Variants in CCBE1 observed in about 807,000 individuals in gnomAD.
CCBE1 encodes the protein collagen and calcium binding EGF domains 1, also known as collagen and calcium-binding EGF domain-containing protein 1.
Under a neutral mutation model 50.0 loss-of-function variants are expected in CCBE1, and 37 were observed. That is an observed-to-expected ratio of 0.74 (90% CI 0.57 to 0.97). The LOEUF is 0.97. CCBE1 is among the 50% of genes least tolerant of loss of function. The pLI is 0.00. For synonymous variants in CCBE1, 234 were observed against 203.7 expected (o/e 1.15, Z -1.27); for missense variants, 538 against 523.8 (o/e 1.03, Z -0.26).
chr18:59,501,537 C>G (rs1421311985), intron 2 of CCBE1, among the ~76,000 whole-genome samples: 2 of 152,146 alleles, frequency 1.3e-5, no homozygotes, highest in Non-Finnish European at 2.9e-5. Flanking sequence ...ACACTCCTCC[C>G]CTGCTGAACC....
At chr18:59,633,954 A>G (rs930166987) in intron 2 of CCBE1, among the ~76,000 whole-genome samples, 11 of 152,198 alleles carry the variant, frequency 7.2e-5, no homozygotes, top group African/African-American at 2.4e-4. Context: ...CATGGCCAAT[A>G]TGGGAACTAA....
rs537111599 is a variant in CCBE1 at position 59,474,855 on chromosome 18, T to C, written c.266-5248A>G. On this transcript the variant is annotated intron_variant, in intron 3 of 10. Coordinates refer to ENST00000439986, the MANE Select transcript of CCBE1 (RefSeq NM_133459.4). ...GGTGTAAATTGGGGTTGCTCCTTGGTTTCCTTAAGCTGGCTACAATTCAAC... is the reference window on the plus strand; with the variant it reads ...GGTGTAAATTGGGGTTGCTCCTTGGCTTCCTTAAGCTGGCTACAATTCAAC... Among the ~76,000 whole-genome samples the C allele has an allele frequency of 2.0e-5, 3 of 152,354 alleles. No homozygotes were observed. In the East Asian group the frequency reaches 5.8e-4, roughly 29 times the overall value.
chr18:59,521,749 G>T (rs1298816794), intron 2 of CCBE1, among the ~76,000 whole-genome samples: 1 of 152,120 alleles, frequency 6.6e-6, no homozygotes, highest in Non-Finnish European at 1.5e-5. Context: ...TGAAAAAAAT[G>T]CAGGCTGTGT....
At chr18:59,596,220 G>C (rs995119067) in intron 2 of CCBE1, among the ~76,000 whole-genome samples, 1 of 152,196 alleles carries the variant, frequency 6.6e-6, no homozygotes, top group Admixed American at 6.5e-5. Context: ...GTGTTTGGCA[G>C]CAAGGAGGAC....
At chr18:59,683,747 G>A (rs1487990874) in intron 2 of CCBE1, among the ~76,000 whole-genome samples, 1 of 152,056 alleles carries the variant, frequency 6.6e-6, no homozygotes. Flanking sequence ...AGCAAGCCAA[G>A]GAAGGATTCA....
intron 2 of CCBE1, among the ~76,000 whole-genome samples, chr18:59,516,331 T>C (rs1295399495): frequency 3.9e-5 from 6 of 152,126 alleles, no homozygotes; most frequent in Admixed American, 3.9e-4. Context: ...ACACAGACTT[T>C]CCTCTTCAAA....
Position 59,693,960 on chromosome 18 carries a change from C to T in CCBE1, c.212+2669G>A, listed in dbSNP as rs1021736633. On this transcript the variant is annotated intron_variant, in intron 2 of 10. Coordinates refer to ENST00000439986, the MANE Select transcript of CCBE1 (RefSeq NM_133459.4). ...GATCTCAGCTCACTGCAACCTCCGC[C>T]TCCTGGTTTCAAACTATTCTCCTGC... Among the ~76,000 whole-genome samples, 3 of 149,886 alleles carry T rather than the reference C, an allele frequency of 2.0e-5. No individual in the cohort carries two copies. The Admixed American group carries it at 2.0e-4, about 10-fold the overall frequency.
At chr18:59,521,821 G>A (rs1308991009) in intron 2 of CCBE1, among the ~76,000 whole-genome samples, 4 of 152,064 alleles carry the variant, frequency 2.6e-5, no homozygotes, top group Admixed American at 6.5e-5. Context: ...GGTGGACATC[G>A]ACAAAAAAGT....
chr18:59,629,530 C>T (rs1355047869), intron 2 of CCBE1, among the ~76,000 whole-genome samples: 2 of 152,168 alleles, frequency 1.3e-5, no homozygotes, highest in Non-Finnish European at 2.9e-5. Flanking sequence ...TTCATGAATA[C>T]ATTCCCAGGA....
intron 2 of CCBE1, among the ~76,000 whole-genome samples, chr18:59,663,054 C>T (rs2054306225): frequency 6.6e-6 from 1 of 152,176 alleles, no homozygotes; most frequent in Non-Finnish European, 1.5e-5. Flanking sequence ...CAACAAATTA[C>T]TTTAACAAAG....
chr18:59,437,963 T>C (rs372819943), intron 10 of CCBE1, 148 bp downstream of exon 10: 2 of 664,416 alleles, frequency 3.0e-6, no homozygotes, highest in Admixed American at 5.5e-5. Flanking sequence ...CTTCTATGAC[T>C]CTCTTCCTAA....
chr18:59,502,755 T>C (rs188999161), intron 2 of CCBE1, among the ~76,000 whole-genome samples: 2 of 152,066 alleles, frequency 1.3e-5, no homozygotes, highest in African/African-American at 4.8e-5. Flanking sequence ...GCAAAGCATG[T>C]CAGAGCGGAG....
intron 2 of CCBE1, among the ~76,000 whole-genome samples, chr18:59,538,147 G>T (rs1016997962): frequency 1.3e-5 from 2 of 152,178 alleles, no homozygotes; most frequent in African/African-American, 4.8e-5. Flanking sequence ...AGAACAACAT[G>T]AGTATATTTA....
rs559834022 is a variant in CCBE1, at chr18:59,522,062, G to A, written c.213-41824C>T. ...AAATCTTTTCTATTAAATATTTTGT[G>A]AACACAGGAAATTCATTGGCTACAT... On this transcript the variant is annotated intron_variant, in intron 2 of 10. Transcript: ENST00000439986. 2.5e-4 allele frequency among the ~76,000 whole-genome samples: 37 copies of A among 150,394 alleles called. 2 individuals carry two copies. In the South Asian group the frequency reaches 7.5e-3, roughly 31 times the overall value.
At chr18:59,589,408 T>C (rs1479753293) in intron 2 of CCBE1, among the ~76,000 whole-genome samples, 2 of 152,154 alleles carry the variant, frequency 1.3e-5, no homozygotes, top group Admixed American at 6.5e-5. Context: ...ATATCACTGA[T>C]AGCACCACAA....
intron 2 of CCBE1, among the ~76,000 whole-genome samples, chr18:59,596,327 T>C (rs79213897): frequency 0.017 from 2,595 of 152,278 alleles, 85 homozygotes; most frequent in African/African-American, 0.06. Flanking sequence ...ATGGCAGAAG[T>C]CTACTTTTTA....
At chr18:59,501,363 G>A (rs1027693686) in intron 2 of CCBE1, among the ~76,000 whole-genome samples, 4 of 152,158 alleles carry the variant, frequency 2.6e-5, no homozygotes, top group African/African-American at 9.7e-5. Flanking sequence ...AAAGAAAAGT[G>A]GAGAAAGCCA....
At chr18:59,693,655 A>T (rs1419959673) in intron 2 of CCBE1, among the ~76,000 whole-genome samples, 1 of 152,170 alleles carries the variant, frequency 6.6e-6, no homozygotes, top group Non-Finnish European at 1.5e-5. Flanking sequence ...CCTGGATATA[A>T]AATCAAGTCT....
chr18:59,679,328 C>A (rs1183403599), intron 2 of CCBE1, among the ~76,000 whole-genome samples: 1 of 152,150 alleles, frequency 6.6e-6, no homozygotes, highest in Non-Finnish European at 1.5e-5. Flanking sequence ...CAAAACAAAT[C>A]TATTTTATCC....
Sources: gnomAD v4.1 joint callset for allele counts (sites outside exome capture counted in the v4.1 genomes callset) on GRCh38, gnomAD v4.1.1 for gene constraint, MANE v1.5 for transcripts, NCBI Gene and HGNC (gene_info 2026-07-23, HGNC 2026-07-21) for gene names.